Variants in SLC35F5 observed in about 807,000 individuals in gnomAD.
The protein encoded by SLC35F5 is HCV NS5A-transactivated protein 3.
A neutral mutation model predicts 68.6 loss-of-function variants in SLC35F5; 54 were observed. The observed-to-expected ratio is 0.79, with a 90% CI of 0.63 to 0.99. The LOEUF (loss-of-function observed/expected upper bound fraction) is 0.99, where lower values mean the gene tolerates loss of function less well. Among genes scored for constraint, SLC35F5 ranks in the 50% least tolerant of loss-of-function variants. The pLI is 0.00. For synonymous variants in SLC35F5, 211 were observed against 205.2 expected (o/e 1.03, Z -0.24); for missense variants, 567 against 626.9 (o/e 0.90, Z 1.02).
At chr2:113,706,088 G>GA (rs1053238933), downstream of SLC35F5, among the ~76,000 whole-genome samples, 2 of 152,104 alleles carry the variant, frequency 1.3e-5, no homozygotes, top group African/African-American at 2.4e-5. Flanking sequence ...TTCTACTGTT[G>GA]AAAGTAAGTG....
intron 9 of SLC35F5, chr2:113,733,435 A>G: frequency 3.1e-6 from 1 of 321,012 alleles, no homozygotes. Context: ...AAAAGTTATA[A>G]ATTAGCACAT....
rs1259683099 is a variant in SLC35F5 at position 113,712,428 on chromosome 2, T to A, written c.*2790A>T. Among the ~76,000 whole-genome samples the A allele has an allele frequency of 6.6e-6, 1 of 152,312 alleles. No individual in the cohort carries two copies. Among genetic ancestry groups the A allele is most frequent in the African/African-American group, 2.4e-5 (1 of 41,580 alleles). On this transcript the variant is annotated 3_prime_UTR_variant, in exon 16 of 16. Transcript: ENST00000245680. ...GCCTCCCGGGTTCACGCCATTCTGC[T>A]GCCTCAGCCTCCCGAGCAGCTGGGA... is the stretch of plus-strand genomic sequence containing the variant.
rs1361720802 is a variant in SLC35F5, at chr2:113,707,342, G to A, written c.*7876C>T. Among the ~76,000 whole-genome samples, 3 of 152,056 alleles carry A rather than the reference G, an allele frequency of 2.0e-5. No individual in the cohort carries two copies. Among genetic ancestry groups the A allele is most frequent in the Non-Finnish European group, 4.4e-5 (3 of 68,024 alleles). On this transcript the variant is annotated 3_prime_UTR_variant, in exon 16 of 16. Coordinates refer to ENST00000245680, the MANE Select transcript of SLC35F5 (RefSeq NM_025181.5). ...AACTTAATCAGAATGATGCAATCTT[G>A]TCTTATATAAATATACAAATCACAG...
At chr2:113,742,976 G>T (rs1297868697) in intron 6 of SLC35F5, 97 bp from the exon 7 acceptor site, 4 of 1,200,786 alleles carry the variant, frequency 3.3e-6, no homozygotes, top group Middle Eastern at 2.0e-4. Context: ...GTTCATCTAT[G>T]ATCAGAGTAA....
In SLC35F5 at chr2:113,709,295, C is replaced by G. The variant is rs1213964540; in HGVS notation, c.*5923G>C. On this transcript the variant is annotated 3_prime_UTR_variant, in exon 16 of 16. Coordinates refer to ENST00000245680, the MANE Select transcript of SLC35F5 (RefSeq NM_025181.5). ...CTATGTGGTGTCACTGTTATTACCA[C>G]TCTTTACAAAGCACTAAGCACACAC... 6.6e-6 allele frequency among the ~76,000 whole-genome samples: 1 copy of G among 152,214 alleles called. No homozygotes were observed. The highest frequency in any genetic ancestry group is 1.9e-4 in the East Asian group (1 of 5,196).
intron 11 of SLC35F5, among the ~76,000 whole-genome samples, chr2:113,728,621 AG>A (rs1031333480): frequency 5.3e-5 from 8 of 152,336 alleles, no homozygotes; most frequent in African/African-American, 1.9e-4. Flanking sequence ...CCATTCATCT[AG>A]TCCAATTTCC....
chr2:113,724,454 T>C (rs1311643581), intron 12 of SLC35F5, among the ~76,000 whole-genome samples: 4 of 152,182 alleles, frequency 2.6e-5, no homozygotes, highest in Non-Finnish European at 5.9e-5. Flanking sequence ...CAAAGGAGTT[T>C]AGATAAGAAC....
intron 4 of SLC35F5, among the ~76,000 whole-genome samples, chr2:113,748,593 C>T (rs536620023): frequency 3.9e-5 from 6 of 152,040 alleles, no homozygotes; most frequent in African/African-American, 1.2e-4. Flanking sequence ...TTCTCTGTAG[C>T]GTCTAAATTT....
intron 7 of SLC35F5, among the ~76,000 whole-genome samples, chr2:113,739,219 G>A (rs1688198350): frequency 6.6e-6 from 1 of 151,138 alleles, no homozygotes. Flanking sequence ...ATATAAAATG[G>A]CATAGCATTT....
rs1687102124 is a variant in SLC35F5 at position 113,714,395 on chromosome 2, T to C, written c.*823A>G. The C allele has an allele frequency of 6.6e-6, 1 of 152,160 alleles. No individual in the cohort carries two copies. The highest frequency in any genetic ancestry group is 1.5e-5 in the Non-Finnish European group (1 of 67,964). 9.4% of individuals were successfully genotyped at this position (152,160 alleles called of 1,614,324 possible). Reference sequence around the variant, plus strand: ...TATTTTAATAATACTCTTTGTCACTTCAATTTAAATCATTCCATTATGAAA... The same window carrying C: ...TATTTTAATAATACTCTTTGTCACTCCAATTTAAATCATTCCATTATGAAA... On this transcript the variant is annotated 3_prime_UTR_variant, in exon 16 of 16. Transcript: ENST00000245680.
rs1173478465 is a variant in SLC35F5, at chr2:113,753,168, C to CTTTTTTTTTTTTTTTTTTTTTTTTT, written c.273+1972_273+1996dup. On this transcript the variant is annotated intron_variant, in intron 3 of 15. Transcript: ENST00000245680. ...CACTTTATCTCCAAAGTTTGTTTTT[C>CTTTTTTTTTTTTTTTTTTTTTTTTT]TTTTTTTTTTTTTTTTTTTTTTTTT... 1.4e-3 allele frequency among the ~76,000 whole-genome samples: 68 copies of CTTTTTTTTTTTTTTTTTTTTTTTTT among 49,090 alleles called. 24 individuals are homozygous for CTTTTTTTTTTTTTTTTTTTTTTTTT. Among genetic ancestry groups the CTTTTTTTTTTTTTTTTTTTTTTTTT allele is most frequent in the Non-Finnish European group, 1.8e-3 (51 of 28,286 alleles). 32.2% of individuals were successfully genotyped at this position (49,090 alleles called of 152,430 possible). A position where few individuals can be genotyped will look rare whatever the true frequency, so the allele number is the denominator to read the frequency against.
intron 1 of SLC35F5, chr2:113,755,746 A>G (rs1676956338): frequency 9.0e-7 from 1 of 1,110,726 alleles, no homozygotes; most frequent in African/African-American, 1.6e-5. Flanking sequence ...GATACGCGAT[A>G]CGGGGCGGGC....
At position 113,750,240 on chromosome 2, in the gene SLC35F5, AT is replaced by A. The variant is rs1559363160; in HGVS notation, c.417+184del. ...GTAAGAGTTCTCACAAACTATTCTG[AT>A]ACTACTTAATTAGAAGAATAAATTT... On this transcript the variant is annotated intron_variant, in intron 4 of 15. Coordinates refer to ENST00000245680, the MANE Select transcript of SLC35F5 (RefSeq NM_025181.5). 5.3e-5 allele frequency among the ~76,000 whole-genome samples: 8 copies of A among 152,330 alleles called. No individual in the cohort carries two copies. In the South Asian group the frequency reaches 1.7e-3, roughly 32 times the overall value.
At chr2:113,741,024 G>T (rs977738999) in intron 7 of SLC35F5, among the ~76,000 whole-genome samples, 2 of 152,150 alleles carry the variant, frequency 1.3e-5, no homozygotes, top group African/African-American at 4.8e-5. Flanking sequence ...TGGTCAAAGT[G>T]ACCCAAGCAT....
intron 10 of SLC35F5, 124 bp from the exon 11 acceptor site, chr2:113,729,629 A>C: frequency 1.6e-6 from 1 of 632,222 alleles, no homozygotes. Context: ...ATAATGATAT[A>C]AATCACCTTT....
rs992550139 is a variant in SLC35F5, at chr2:113,756,620, T to G, written c.-211A>C. On this transcript the variant is annotated 5_prime_UTR_variant, in exon 1 of 16. Transcript: ENST00000245680. The stretch of plus-strand genomic sequence containing the variant: ...GGGGAAGGGACGGCACAGTCAGCTA[T>G]GGCCGCGGAGGCCCGGAGATCTGCT... The G allele has an allele frequency of 1.5e-6, 2 of 1,333,182 alleles. No individual in the cohort carries two copies. Among genetic ancestry groups the G allele is most frequent in the East Asian group, 2.8e-5 (1 of 35,228 alleles). The allele number at this position is 1,333,182 out of a possible 1,614,324, so 82.6% of individuals were successfully genotyped here.
rs879174434 is a variant in SLC35F5, at chr2:113,733,251, GT to G, written c.920+1334del. On this transcript the variant is annotated intron_variant, in intron 9 of 15. Transcript: ENST00000245680. ...TTTGTAAATAGATGAGAGTGGCTGTGTTCTAATACAATCTTATTTACAAAAC... is the reference window on the plus strand; with the variant it reads ...TTTGTAAATAGATGAGAGTGGCTGTGTCTAATACAATCTTATTTACAAAAC... 10 of 219,306 alleles carry G rather than the reference GT, an allele frequency of 4.6e-5. No individual in the cohort carries two copies. In the South Asian group the frequency reaches 6.0e-4, roughly 13 times the overall value. 13.6% of individuals were successfully genotyped at this position (219,306 alleles called of 1,614,324 possible). A position where few individuals can be genotyped will look rare whatever the true frequency, so the allele number is the denominator to read the frequency against.
In SLC35F5 at chr2:113,742,893, G is replaced by A; in HGVS notation, c.563-14C>T. ...ACTTTTTGGGGGCTTAAAAGGAAGA[G>A]CATAATATGAAATAATTAAATAATT... On this transcript the variant is annotated splice_polypyrimidine_tract_variant and intron_variant, in intron 6 of 15. Coordinates refer to ENST00000245680, the MANE Select transcript of SLC35F5 (RefSeq NM_025181.5). The A allele has an allele frequency of 1.3e-6, 2 of 1,598,730 alleles. No homozygotes were observed. Among genetic ancestry groups the A allele is most frequent in the East Asian group, 2.2e-5 (1 of 44,672 alleles).
intron 12 of SLC35F5, among the ~76,000 whole-genome samples, chr2:113,723,776 CT>C (rs1319208839): frequency 6.6e-6 from 1 of 152,112 alleles, no homozygotes; most frequent in Non-Finnish European, 1.5e-5. Context: ...TAACCAAAAG[CT>C]AAGTAAGCTC....
Sources: allele counts gnomAD v4.1 joint callset (sites outside exome capture counted in the v4.1 genomes callset), GRCh38; gene constraint gnomAD v4.1.1; transcripts MANE v1.5; gene names NCBI Gene and HGNC (gene_info 2026-07-23, HGNC 2026-07-21).